The following FBRSL1 variants were observed in gnomAD, a reference collection of about 807,000 sequenced individuals.
The protein encoded by FBRSL1 is fibrosin like 1, also known as fibrosin-1-like protein.
In FBRSL1, 51 loss-of-function variants were observed where a neutral mutation model predicts 89.6. That is an observed-to-expected ratio of 0.57 (90% CI 0.45 to 0.72). FBRSL1 has a LOEUF of 0.72. FBRSL1 is among the 30% of genes least tolerant of loss of function. The pLI, the probability that FBRSL1 is intolerant of heterozygous loss-of-function variation, is 0.00. For synonymous variants in FBRSL1, 779 were observed against 681.1 expected, an observed-to-expected ratio of 1.14 and a Z score of -2.24; for missense variants, 1,618 against 1,451.8, an observed-to-expected ratio of 1.11 and a Z score of -1.86.
chr12:132,538,588 G>A lies in FBRSL1; in HGVS notation c.616-9415G>A, dbSNP rs566485316. Among the ~76,000 whole-genome samples, 7 of 152,338 alleles carry A rather than the reference G, an allele frequency of 4.6e-5. No homozygotes were observed. The South Asian group carries it at 8.3e-4, about 18-fold the overall frequency. ...TGAGCCCCCACCGGGAGGCACCCTC[G>A]CAGGCGGGCGCACAGCCCATGGGGC... On this transcript the variant is annotated intron_variant, in intron 4 of 18. Coordinates refer to ENST00000680143, the MANE Select transcript of FBRSL1 (RefSeq NM_001367871.1).
chr12:132,578,540 C>T (rs1250927842), intron 15 of FBRSL1, among the ~76,000 whole-genome samples: 1 of 152,078 alleles, frequency 6.6e-6, no homozygotes, highest in Non-Finnish European at 1.5e-5. Context: ...CAGTTCAAAC[C>T]CATGTTGTTC....
intron 2 of FBRSL1, among the ~76,000 whole-genome samples, chr12:132,515,530 C>CA (rs71274843): frequency 0.41 from 52,762 of 128,216 alleles, 9,447 homozygotes; most frequent in East Asian, 0.47. Context: ...CTTAAGAAAC[C>CA]AAAAAAAAAA....
chr12:132,527,291 C>T (rs1226525977), intron 3 of FBRSL1, among the ~76,000 whole-genome samples: 1 of 152,234 alleles, frequency 6.6e-6, no homozygotes, highest in Non-Finnish European at 1.5e-5. Context: ...CCCAGGTCTT[C>T]CTGCCTCCTC....
intron 4 of FBRSL1, among the ~76,000 whole-genome samples, chr12:132,541,174 C>A (rs573939936): frequency 9.3e-5 from 14 of 149,822 alleles, no homozygotes; most frequent in African/African-American, 3.2e-4. Context: ...GCACAGCCTC[C>A]CACCACACCC....
At chr12:132,577,710 G>A (rs1014416493) in intron 15 of FBRSL1, among the ~76,000 whole-genome samples, 1 of 151,708 alleles carries the variant, frequency 6.6e-6, no homozygotes, top group Non-Finnish European at 1.5e-5. Context: ...GCAGAGGCAC[G>A]AAGACTCTGG....
chr12:132,490,595 C>T lies in FBRSL1; in HGVS notation c.25C>T (p.Arg9Trp), dbSNP rs1419127994. 4.1e-6 allele frequency: 4 copies of T among 982,704 alleles called. No homozygotes were observed. Among genetic ancestry groups the T allele is most frequent in the African/African-American group, 1.8e-5 (1 of 56,718 alleles). 60.9% of individuals were successfully genotyped at this position (982,704 alleles called of 1,614,324 possible). A position where few individuals can be genotyped will look rare whatever the true frequency, so the allele number is the denominator to read the frequency against. Residue 9 changes from arginine to tryptophan, a missense_variant, in exon 1 of 19, where the codon CGG becomes TGG. Transcript: ENST00000680143. MEAKVRPS[R>W]RSRAQRDRGR... is the part of the protein sequence containing the mutation. ...CATGGAGGCCAAGGTCCGCCCGAGC[C>T]GGCGCTCGCGCGCGCAGCGGGACCG...
chr12:132,517,999 A>C (rs376942582), intron 2 of FBRSL1, among the ~76,000 whole-genome samples: 1 of 151,786 alleles, frequency 6.6e-6, no homozygotes, highest in Non-Finnish European at 1.5e-5. Context: ...AGTGGCCCCA[A>C]CTCCAGAGCT....
intron 5 of FBRSL1, chr12:132,565,529 T>TCA (rs2039544694): frequency 6.6e-6 from 1 of 151,914 alleles, no homozygotes; most frequent in Non-Finnish European, 1.5e-5. Context: ...CCGAGTGTGC[T>TCA]CATGTACACG....
chr12:132,583,110 C>G lies in FBRSL1; in HGVS notation c.2341C>G (p.Arg781Gly). ...CCCCGCGGAGCGCGAGGCCGAACCT[C>G]GGGTCAAGGAGAGCCGCTCCCCGGC... ...GAPAEREAEP[R>G]VKESRSPAKE... is the part of the protein sequence containing the mutation. The change falls in exon 19 of 19, where the codon CGG (arginine) becomes GGG (glycine). Residue 781 changes from arginine (R) to glycine (G), a missense_variant. By Grantham distance (125) the Arg-to-Gly change is moderately radical. Transcript: ENST00000680143. 1 of 1,456,298 alleles carries G rather than the reference C, an allele frequency of 6.9e-7. No individual in the cohort carries two copies. The highest frequency in any genetic ancestry group is 9.0e-7 in the Non-Finnish European group (1 of 1,107,788). The allele number at this position is 1,456,298 out of a possible 1,614,324, so 90.2% of individuals were successfully genotyped here.
intron 5 of FBRSL1, chr12:132,550,982 A>T: frequency 4.2e-6 from 1 of 239,866 alleles, no homozygotes; most frequent in Non-Finnish European, 8.5e-6. Context: ...AGGTGTGGGA[A>T]GTCAGCCAGC....
intron 14 of FBRSL1, among the ~76,000 whole-genome samples, chr12:132,576,208 C>CTTTTCTTTTTTTTTTTTTTTTT (rs66466623): frequency 6.8e-6 from 1 of 146,708 alleles, no homozygotes; most frequent in African/African-American, 2.5e-5. Flanking sequence ...TTTTTTTTTT[C>CTTTTCTTTTTTTTTTTTTTTTT]TTGAGATAGA....
intron 5 of FBRSL1, among the ~76,000 whole-genome samples, chr12:132,559,533 AG>A (rs1340968222): frequency 6.6e-6 from 1 of 151,640 alleles, no homozygotes; most frequent in East Asian, 2.0e-4. Flanking sequence ...CTGGGGCCAC[AG>A]GCGCGTGCCG....
At chr12:132,515,899 CAAAAAAA>C (rs60767937) in intron 2 of FBRSL1, among the ~76,000 whole-genome samples, 1 of 65,640 alleles carries the variant, frequency 1.5e-5, no homozygotes, top group African/African-American at 6.0e-5. Flanking sequence ...GACTCCGTCT[CAAAAAAA>C]AAAAAAAAAA....
In FBRSL1 at chr12:132,525,315, G is replaced by C. The variant is rs115783270; in HGVS notation, c.490-419G>C. On this transcript the variant is annotated intron_variant, in intron 2 of 18. Transcript: ENST00000680143. ...CCTGTACAGCCAGATGGGGTGGTGC[G>C]AACCAGCCAGGGTGTGGGTGGAGGC... Among the ~76,000 whole-genome samples, 27 of 152,304 alleles carry C rather than the reference G, an allele frequency of 1.8e-4. No individual in the cohort carries two copies. The South Asian group carries it at 5.6e-3, about 32-fold the overall frequency.
rs970235068 is a variant in FBRSL1, at chr12:132,510,215, C to G, written c.489+1865C>G. On this transcript the variant is annotated intron_variant, in intron 2 of 18. Coordinates refer to ENST00000680143, the MANE Select transcript of FBRSL1 (RefSeq NM_001367871.1). ...AGCCCTGCAAACCCCAGCCGTTGCT[C>G]CCCATTCCCGATCGCCCTTCACTCC... The G allele has an allele frequency of 6.5e-6, 8 of 1,231,782 alleles. No homozygotes were observed. The East Asian group carries it at 2.5e-4, about 39-fold the overall frequency. 76.3% of individuals were successfully genotyped at this position (1,231,782 alleles called of 1,614,324 possible). A position where few individuals can be genotyped will look rare whatever the true frequency, so the allele number is the denominator to read the frequency against.
intron 2 of FBRSL1, among the ~76,000 whole-genome samples, chr12:132,521,885 G>T (rs2035389858): frequency 6.6e-6 from 1 of 152,220 alleles, no homozygotes; most frequent in African/African-American, 2.4e-5. Context: ...CTTTGGGCGG[G>T]GCCTGCGCAG....
At chr12:132,559,249 G>A (rs2038915686) in intron 5 of FBRSL1, among the ~76,000 whole-genome samples, 1 of 152,256 alleles carries the variant, frequency 6.6e-6, no homozygotes, top group Non-Finnish European at 1.5e-5. Context: ...AGCTACAGCA[G>A]CTGCTCGGAG....
chr12:132,524,338 A>G (rs2035606670), intron 2 of FBRSL1, among the ~76,000 whole-genome samples: 1 of 152,182 alleles, frequency 6.6e-6, no homozygotes. Context: ...GGTGCCTGCT[A>G]CTGTGCGGCT....
chr12:132,494,514 G>A (rs768295258), intron 1 of FBRSL1, among the ~76,000 whole-genome samples: 4 of 152,224 alleles, frequency 2.6e-5, no homozygotes, highest in African/African-American at 7.2e-5. Context: ...CATGCTGGCC[G>A]CTCGGCCCCA....
Sources: gnomAD v4.1 joint callset for allele counts (sites outside exome capture counted in the v4.1 genomes callset) on GRCh38, gnomAD v4.1.1 for gene constraint, MANE v1.5 for transcripts, NCBI Gene and HGNC (gene_info 2026-07-23, HGNC 2026-07-21) for gene names.